Variants in HMBOX1 observed in about 807,000 individuals in gnomAD.
HMBOX1 encodes the protein homeobox-containing protein 1.
In HMBOX1, 14 loss-of-function variants were observed where a neutral mutation model predicts 54.5. The ratio of observed to expected loss-of-function variants is 0.26; its 90% CI spans 0.17 to 0.40. HMBOX1 has a LOEUF of 0.40. HMBOX1 is among the 10% of genes least tolerant of loss of function. HMBOX1 has a pLI of 1.00. For synonymous variants in HMBOX1, 160 were observed against 181.0 expected (o/e 0.88, Z 0.93); for missense variants, 332 against 514.4 (o/e 0.65, Z 3.43).
chr8:29,044,897 A>G (rs541230864), intron 6 of HMBOX1, among the ~76,000 whole-genome samples: 110 of 152,208 alleles, frequency 7.2e-4, no homozygotes, highest in African/African-American at 2.4e-3. Flanking sequence ...GTAATTTCCA[A>G]TTTTTTCTAC....
intron 1 of HMBOX1, among the ~76,000 whole-genome samples, chr8:28,944,813 A>G (rs1168679583): frequency 1.3e-5 from 2 of 152,178 alleles, no homozygotes; most frequent in African/African-American, 4.8e-5. Context: ...ATGGTAATTT[A>G]TTCATAATTA....
intron 1 of HMBOX1, among the ~76,000 whole-genome samples, chr8:28,961,686 A>T (rs532113015): frequency 6.6e-6 from 1 of 152,022 alleles, no homozygotes; most frequent in East Asian, 1.9e-4. Flanking sequence ...CTTCTTTTGG[A>T]TAGATATCCA....
chr8:29,048,242 A>T (rs79922708), intron 8 of HMBOX1, among the ~76,000 whole-genome samples: 1 of 152,336 alleles, frequency 6.6e-6, no homozygotes, highest in East Asian at 1.9e-4. Flanking sequence ...TGGATTCTTG[A>T]TGTAATCATT....
intron 3 of HMBOX1, among the ~76,000 whole-genome samples, chr8:28,976,709 CTTT>C (rs749880362): frequency 2.2e-5 from 3 of 135,792 alleles, no homozygotes; most frequent in Non-Finnish European, 1.6e-5. Context: ...TCTTTTTTTT[CTTT>C]TTTTTTTTTT....
At chr8:28,909,457 T>C (rs1434344395) in intron 1 of HMBOX1, among the ~76,000 whole-genome samples, 1 of 152,180 alleles carries the variant, frequency 6.6e-6, no homozygotes, top group African/African-American at 2.4e-5. Context: ...AAACACTTAG[T>C]CTCAATTTCT....
At chr8:29,049,107 C>T (rs1465644030) in intron 9 of HMBOX1, 59 bp downstream of exon 9, 1 of 1,522,008 alleles carries the variant, frequency 6.6e-7, no homozygotes, top group Non-Finnish European at 9.1e-7. Flanking sequence ...TATAGTGGGA[C>T]AGCTTAGTTC....
intron 4 of HMBOX1, among the ~76,000 whole-genome samples, chr8:29,006,974 G>T (rs928872543): frequency 6.6e-5 from 10 of 152,018 alleles, no homozygotes; most frequent in Admixed American, 6.6e-4. Flanking sequence ...TTTCATGGTG[G>T]TTGTTTTCTT....
At chr8:28,901,433 T>A (rs1813212615) in intron 1 of HMBOX1, among the ~76,000 whole-genome samples, 1 of 152,164 alleles carries the variant, frequency 6.6e-6, no homozygotes, top group South Asian at 2.1e-4. Flanking sequence ...TACTTTTCTT[T>A]TTGTACTTTT....
chr8:28,973,853 C>T (rs1047917456), intron 3 of HMBOX1, among the ~76,000 whole-genome samples: 5 of 107,982 alleles, frequency 4.6e-5, no homozygotes, highest in African/African-American at 1.7e-4. Flanking sequence ...CTCGCTCTGT[C>T]ACCCAGGCTG....
chr8:28,923,787 G>GT (rs1301230455), intron 1 of HMBOX1, among the ~76,000 whole-genome samples: 21 of 151,438 alleles, frequency 1.4e-4, no homozygotes, highest in South Asian at 8.4e-4. Flanking sequence ...TGTATTTTTT[G>GT]TTTTTTTTAA....
chr8:28,981,780 A>T (rs1829374964), intron 4 of HMBOX1, among the ~76,000 whole-genome samples: 1 of 152,246 alleles, frequency 6.6e-6, no homozygotes, highest in Non-Finnish European at 1.5e-5. Flanking sequence ...GCATATCTAA[A>T]GGCATGGAAT....
intron 5 of HMBOX1, among the ~76,000 whole-genome samples, chr8:29,016,404 A>G (rs373791189): frequency 1.3e-5 from 2 of 152,254 alleles, no homozygotes; most frequent in African/African-American, 4.8e-5. Flanking sequence ...TGCCAAATTT[A>G]TACATTTGAA....
intron 1 of HMBOX1, among the ~76,000 whole-genome samples, chr8:28,940,662 A>G (rs1164813717): frequency 6.6e-6 from 1 of 152,246 alleles, no homozygotes; most frequent in Non-Finnish European, 1.5e-5. Flanking sequence ...GCAATGGACC[A>G]GGAGTTCTGG....
At chr8:29,010,608 T>A (rs1292081978) in intron 5 of HMBOX1, among the ~76,000 whole-genome samples, 2 of 151,808 alleles carry the variant, frequency 1.3e-5, no homozygotes, top group Admixed American at 1.3e-4. Context: ...GCTTTATTTC[T>A]ATAAAAAAGT....
chr8:29,051,611 A>G lies in HMBOX1; in HGVS notation c.*456A>G. 1 of 703,012 alleles carries G rather than the reference A, an allele frequency of 1.4e-6. No individual in the cohort carries two copies. The highest frequency in any genetic ancestry group is 2.7e-5 in the East Asian group (1 of 37,300). The allele number at this position is 703,012 out of a possible 1,614,324, so 43.5% of individuals were successfully genotyped here. A position where few individuals can be genotyped will look rare whatever the true frequency, so the allele number is the denominator to read the frequency against. ...GAATGACAGACACCATTTGGGGAGT[A>G]TCCACAGAGTCAAAGGAACACTAGA... On this transcript the variant is annotated 3_prime_UTR_variant, in exon 10 of 10. Transcript: ENST00000287701.
chr8:28,973,813 T>TTTTTTTTTTTG lies in HMBOX1; in HGVS notation c.500+3304_500+3305insGTTTTTTTTTT, dbSNP rs1563501750. Among the ~76,000 whole-genome samples the TTTTTTTTTTTG allele has an allele frequency of 8.0e-4, 28 of 35,058 alleles. 1 individual carries two copies. The highest frequency in any genetic ancestry group is 2.4e-3 in the Admixed American group (6 of 2,552). The allele number at this position is 35,058 out of a possible 152,430, so 23.0% of individuals were successfully genotyped here. A position where few individuals can be genotyped will look rare whatever the true frequency, so the allele number is the denominator to read the frequency against. On this transcript the variant is annotated intron_variant, in intron 3 of 9. Transcript: ENST00000287701. ...GAGATACATAATGGAGTTTTTTTTTTTTTTTTTTTTTTTTTTTTTTTGAGA... is the reference window on the plus strand; with the variant it reads ...GAGATACATAATGGAGTTTTTTTTTTTTTTTTTTTTGTTTTTTTTTTTTTTTTTTTTTGAGA...
intron 4 of HMBOX1, among the ~76,000 whole-genome samples, chr8:28,994,376 G>A (rs1424226071): frequency 6.6e-6 from 1 of 152,056 alleles, no homozygotes; most frequent in Admixed American, 6.5e-5. Context: ...CTTTAAATCT[G>A]TAAGGAAATA....
chr8:29,011,946 C>T (rs1363483081), intron 5 of HMBOX1, among the ~76,000 whole-genome samples: 1 of 152,162 alleles, frequency 6.6e-6, no homozygotes, highest in Admixed American at 6.5e-5. Flanking sequence ...GCATTATTGT[C>T]ACCTTTTAAA....
At chr8:29,004,225 G>A (rs911497676) in intron 4 of HMBOX1, among the ~76,000 whole-genome samples, 1 of 152,220 alleles carries the variant, frequency 6.6e-6, no homozygotes, top group African/African-American at 2.4e-5. Context: ...CTGGTACCCT[G>A]GAGGTCATTG....
Sources: gnomAD v4.1 joint callset for allele counts (sites outside exome capture counted in the v4.1 genomes callset) on GRCh38, gnomAD v4.1.1 for gene constraint, MANE v1.5 for transcripts, NCBI Gene and HGNC (gene_info 2026-07-23, HGNC 2026-07-21) for gene names.